RPS6KA2: variants seen among roughly 807,000 people sequenced by gnomAD.
The protein encoded by RPS6KA2 is ribosomal protein S6 kinase A2.
Under a neutral mutation model 91.8 loss-of-function variants are expected in RPS6KA2, and 42 were observed. The observed-to-expected ratio is 0.46, with a 90% CI of 0.36 to 0.59. RPS6KA2 has a LOEUF of 0.59. Among genes scored for constraint, RPS6KA2 ranks in the 20% least tolerant of loss-of-function variants. RPS6KA2 has a pLI of 0.00. For missense variants in RPS6KA2, 798 were observed against 978.5 expected, an observed-to-expected ratio of 0.82 and a Z score of 2.46; for synonymous variants, 414 against 393.6, an observed-to-expected ratio of 1.05 and a Z score of -0.61.
In RPS6KA2 at chr6:166,755,208, T is replaced by A. The variant is rs548369292; in HGVS notation, c.123+102992A>T. Among the ~76,000 whole-genome samples the A allele has an allele frequency of 9.8e-5, 15 of 152,286 alleles. No individual in the cohort carries two copies. In the South Asian group the frequency reaches 2.9e-3, roughly 29 times the overall value. ...AGATGGCCCCTGGGGTAAAGGCAGA[T>A]CTTCCAAGGGCAGCTTGCTGGTCTC... On this transcript the variant is annotated intron_variant, in intron 2 of 21. Transcript: ENST00000503859.
chr6:166,623,772 T>C (rs1025310078), intron 1 of RPS6KA2, among the ~76,000 whole-genome samples: 7 of 152,220 alleles, frequency 4.6e-5, no homozygotes, highest in African/African-American at 1.7e-4. Context: ...TGGAAGTCTA[T>C]GGAAGATACC....
rs1203032541 is a variant in RPS6KA2 at position 166,409,838 on chromosome 6, A to AAG, written c.*2923_*2924insCT. ...TGCAGCTTTAGGATAACACCATTTA[A>AAG]TGAACAATACTGGATAACATTAAGT... On this transcript the variant is annotated 3_prime_UTR_variant, in exon 21 of 21. Transcript: ENST00000265678. 6.6e-6 allele frequency: 1 copy of AAG among 152,638 alleles called. No homozygotes were observed. The highest frequency in any genetic ancestry group is 6.5e-5 in the Admixed American group (1 of 15,290). The allele number at this position is 152,638 out of a possible 1,614,324, so 9.5% of individuals were successfully genotyped here. A position where few individuals can be genotyped will look rare whatever the true frequency, so the allele number is the denominator to read the frequency against.
At chr6:166,451,012 C>G in intron 13 of RPS6KA2, 91 bp downstream of exon 13, 3 of 1,516,386 alleles carry the variant, frequency 2.0e-6, no homozygotes, top group East Asian at 4.5e-5. Flanking sequence ...AGCACCCAAC[C>G]CCCGGGTGAC....
At chr6:166,824,495 G>A (rs959850079) in intron 2 of RPS6KA2, among the ~76,000 whole-genome samples, 2 of 152,108 alleles carry the variant, frequency 1.3e-5, no homozygotes, top group African/African-American at 2.4e-5. Flanking sequence ...TATTTAATCC[G>A]ACCCTAAGTC....
intron 2 of RPS6KA2, among the ~76,000 whole-genome samples, chr6:166,750,332 T>C (rs1335868650): frequency 6.6e-6 from 1 of 152,146 alleles, no homozygotes; most frequent in East Asian, 1.9e-4. Context: ...TGGGATTCCC[T>C]GAGTTCTCAC....
chr6:166,805,854 GA>G (rs1562449307), intron 2 of RPS6KA2, among the ~76,000 whole-genome samples: 2,916 of 152,226 alleles, frequency 0.019, 104 homozygotes, highest in African/African-American at 0.066. Flanking sequence ...GATGCTTGAA[GA>G]ACTAAAGGAA....
chr6:166,735,295 A>T (rs1226207243), intron 2 of RPS6KA2, among the ~76,000 whole-genome samples: 3 of 152,192 alleles, frequency 2.0e-5, no homozygotes, highest in Non-Finnish European at 4.4e-5. Flanking sequence ...AAACTGAAAC[A>T]ACGTGAACAT....
In RPS6KA2 at chr6:166,648,493, CA is replaced by C. The variant is rs1460272027; in HGVS notation, c.124-109710del. Among the ~76,000 whole-genome samples the C allele has an allele frequency of 4.6e-5, 7 of 152,174 alleles. No homozygotes were observed. Among genetic ancestry groups the C allele is most frequent in the Admixed American group, 6.5e-5 (1 of 15,290 alleles). On this transcript the variant is annotated intron_variant, in intron 2 of 21. Coordinates refer to the RPS6KA2 transcript ENST00000503859. This position sits in a 1 kb window ranked among gnomAD's most constrained non-coding sequence, Gnocchi z 4.8. ...AGAGCAGAAGCCATGTCTCATTTGA[CA>C]AACAGGCAGCTGGCACGGGAAGGGG...
At chr6:166,678,412 C>T (rs1211668435) in intron 2 of RPS6KA2, among the ~76,000 whole-genome samples, 1 of 152,242 alleles carries the variant, frequency 6.6e-6, no homozygotes, top group East Asian at 1.9e-4. Flanking sequence ...CAGAAGGTTG[C>T]CTTCTACAAC....
chr6:166,683,556 T>A (rs549996694), intron 2 of RPS6KA2, among the ~76,000 whole-genome samples: 1 of 152,372 alleles, frequency 6.6e-6, no homozygotes, highest in Non-Finnish European at 1.5e-5. Flanking sequence ...TGGGAATAAA[T>A]CAATGATTCA....
intron 2 of RPS6KA2, among the ~76,000 whole-genome samples, chr6:166,788,015 A>G (rs1487692788): frequency 6.6e-6 from 1 of 151,732 alleles, no homozygotes; most frequent in Admixed American, 6.6e-5. Flanking sequence ...AAAAGTCGGC[A>G]AAGGATATGA....
At position 166,500,615 on chromosome 6, in the gene RPS6KA2, A is replaced by T. The variant is rs1416710208; in HGVS notation, c.604+272T>A. On this transcript the variant is annotated intron_variant, in intron 7 of 20. Transcript: ENST00000265678. This position sits in a 1 kb window ranked among gnomAD's most constrained non-coding sequence, Gnocchi z 4.3. ...ACTGGGCACTGGGACTCCTGAACTA[A>T]ACACCCAGCGACGCTGAAGGAGCCC... 6.6e-6 allele frequency among the ~76,000 whole-genome samples: 1 copy of T among 152,196 alleles called. No homozygotes were observed. Among genetic ancestry groups the T allele is most frequent in the Non-Finnish European group, 1.5e-5 (1 of 68,034 alleles).
In RPS6KA2 at chr6:166,825,988, T is replaced by C. The variant is rs1262977460; in HGVS notation, c.123+32212A>G. Among the ~76,000 whole-genome samples, 1 of 152,168 alleles carries C rather than the reference T, an allele frequency of 6.6e-6. No individual in the cohort carries two copies. Among genetic ancestry groups the C allele is most frequent in the Non-Finnish European group, 1.5e-5 (1 of 68,016 alleles). ...AGAAAGTAAAGAAAATTGGATCAAA[T>C]TAACCTGAAAGAATGAACCAAGGCA... On this transcript the variant is annotated intron_variant, in intron 2 of 21. Transcript: ENST00000503859. The surrounding 1 kb of genome is among the most constrained non-coding windows in gnomAD (Gnocchi z 4.1).
In RPS6KA2 at chr6:166,789,316, C is replaced by A. The variant is rs567780154; in HGVS notation, c.123+68884G>T. Among the ~76,000 whole-genome samples, 7 of 152,328 alleles carry A rather than the reference C, an allele frequency of 4.6e-5. No individual in the cohort carries two copies. In the South Asian group the frequency reaches 1.2e-3, roughly 27 times the overall value. On this transcript the variant is annotated intron_variant, in intron 2 of 21. Transcript: ENST00000503859. Reference sequence around the variant, plus strand: ...GGCTGCATCGAGGCTGGGGGAGGGGCGCCCGCCATTGCCCAGGTTTGATTA... The same window carrying A: ...GGCTGCATCGAGGCTGGGGGAGGGGAGCCCGCCATTGCCCAGGTTTGATTA...
Position 166,412,636 on chromosome 6 carries a change from G to T in RPS6KA2, c.*126C>A. ...GGGCTGAAAAAGAAAACACGGACAC[G>T]GCGAGGGCGGGCGCCGCCTCCCTGC... On this transcript the variant is annotated 3_prime_UTR_variant, in exon 21 of 21. Coordinates refer to ENST00000265678, the MANE Select transcript of RPS6KA2 (RefSeq NM_021135.6). This position sits in a 1 kb window ranked among gnomAD's most constrained non-coding sequence, Gnocchi z 4.3. 1 of 960,554 alleles carries T rather than the reference G, an allele frequency of 1.0e-6. No individual in the cohort carries two copies. 59.5% of individuals were successfully genotyped at this position (960,554 alleles called of 1,614,324 possible). A position where few individuals can be genotyped will look rare whatever the true frequency, so the allele number is the denominator to read the frequency against.
At chr6:166,524,069 G>A (rs191373060) in intron 3 of RPS6KA2, among the ~76,000 whole-genome samples, 41 of 152,294 alleles carry the variant, frequency 2.7e-4, no homozygotes, top group Non-Finnish European at 5.7e-4. Context: ...CCTGACTGCC[G>A]TGGGTGCCAT....
At chr6:166,598,649 C>G (rs927610053) in intron 1 of RPS6KA2, among the ~76,000 whole-genome samples, 1 of 152,192 alleles carries the variant, frequency 6.6e-6, no homozygotes, top group African/African-American at 2.4e-5. Flanking sequence ...TGGCTCTAAG[C>G]GCCTCTGTTT....
chr6:166,725,194 AT>A (rs571642271), intron 2 of RPS6KA2, among the ~76,000 whole-genome samples: 2 of 151,856 alleles, frequency 1.3e-5, no homozygotes, highest in South Asian at 2.1e-4. Context: ...AAAGTCTTTT[AT>A]TTTTTTTAAA....
At chr6:166,477,157 C>A (rs1325331445) in intron 10 of RPS6KA2, among the ~76,000 whole-genome samples, 1 of 152,144 alleles carries the variant, frequency 6.6e-6, no homozygotes, top group Non-Finnish European at 1.5e-5. Context: ...AAAGGCTGGG[C>A]AATTAATTCT....
Sources: gnomAD v4.1 joint callset for allele counts (sites outside exome capture counted in the v4.1 genomes callset) on GRCh38, gnomAD v4.1.1 for gene constraint, Gnocchi (gnomAD v3.1) non-coding constraint, MANE v1.5 for transcripts, NCBI Gene and HGNC (gene_info 2026-07-23, HGNC 2026-07-21) for gene names.